Variants in PLG observed in about 807,000 individuals in gnomAD.
PLG encodes the protein plasmin.
Under a neutral mutation model 104.4 loss-of-function variants are expected in PLG, and 41 were observed. That is an observed-to-expected ratio of 0.39 (90% CI 0.31 to 0.51). The LOEUF (loss-of-function observed/expected upper bound fraction) is 0.51, where lower values mean the gene tolerates loss of function less well. PLG is among the 20% of genes least tolerant of loss of function. PLG has a pLI of 0.76. For missense variants in PLG, 891 were observed against 1,003.6 expected (o/e 0.89, Z 1.52); for synonymous variants, 337 against 357.1 (o/e 0.94, Z 0.63).
Position 160,731,750 on chromosome 6 carries a change from A to C in PLG, c.1444A>C (p.Met482Leu). The C allele has an allele frequency of 6.2e-7, 1 of 1,613,632 alleles. No homozygotes were observed. The highest frequency in any genetic ancestry group is 8.5e-7 in the Non-Finnish European group (1 of 1,179,794). ...DVETPSEEDC[M>L]FGNGKGYRGK... ...TCCATTTTTTCCCTGTACAGACTGT[A>C]TGTTTGGGAATGGGAAAGGATACCG... Residue 482 changes from methionine (M) to leucine (L), a missense_variant, in exon 12 of 19, where the codon ATG (methionine) becomes CTG (leucine). Coordinates refer to ENST00000308192, the MANE Select transcript of PLG (RefSeq NM_000301.5). This position sits in a 1 kb window ranked among gnomAD's most constrained non-coding sequence, Gnocchi z 5.1.
At chr6:160,748,709 T>C (rs2115187436) in intron 17 of PLG, among the ~76,000 whole-genome samples, 1 of 152,316 alleles carries the variant, frequency 6.6e-6, no homozygotes, top group East Asian at 1.9e-4. Flanking sequence ...AGAGAAATCA[T>C]TAGTGAACTG....
At position 160,741,181 on chromosome 6, in the gene PLG, GCT is replaced by G; in HGVS notation, c.2019-127_2019-126del. On this transcript the variant is annotated intron_variant, in intron 16 of 18. Coordinates refer to ENST00000308192, the MANE Select transcript of PLG (RefSeq NM_000301.5). The surrounding 1 kb of genome is among the most constrained non-coding windows in gnomAD (Gnocchi z 4.7). ...AGGGTGAAACTCTGTGTTCTACGTT[GCT>G]CTGTGTCAGTGAAGCAAGGCAGTGC... 1.4e-6 allele frequency: 1 copy of G among 717,992 alleles called. No homozygotes were observed. Among genetic ancestry groups the G allele is most frequent in the South Asian group, 1.5e-5 (1 of 68,848 alleles). The allele number at this position is 717,992 out of a possible 1,614,324, so 44.5% of individuals were successfully genotyped here. A position where few individuals can be genotyped will look rare whatever the true frequency, so the allele number is the denominator to read the frequency against.
At chr6:160,709,359 CT>C (rs1407368534) in intron 3 of PLG, among the ~76,000 whole-genome samples, 1 of 152,180 alleles carries the variant, frequency 6.6e-6, no homozygotes, top group East Asian at 1.9e-4. Flanking sequence ...CCTATCACCA[CT>C]GGTTGGGGCT....
chr6:160,712,317 C>G (rs1582934103), intron 4 of PLG: 1 of 157,444 alleles, frequency 6.4e-6, no homozygotes, highest in Non-Finnish European at 1.4e-5. Context: ...TGTCTCTATA[C>G]AGCAACTCAT....
At chr6:160,709,942 G>A (rs902701154) in intron 3 of PLG, among the ~76,000 whole-genome samples, 1 of 152,216 alleles carries the variant, frequency 6.6e-6, no homozygotes, top group East Asian at 1.9e-4. Flanking sequence ...AAACACAAGT[G>A]TACTTGACAC....
chr6:160,709,680 C>T (rs1458202006), intron 3 of PLG, among the ~76,000 whole-genome samples: 1 of 152,204 alleles, frequency 6.6e-6, no homozygotes, highest in African/African-American at 2.4e-5. Context: ...TCCTTGACCC[C>T]TAGACCTCCC....
At chr6:160,711,598 T>C (rs2115156642) in intron 4 of PLG, 1 of 1,610,204 alleles carries the variant, frequency 6.2e-7, no homozygotes. Context: ...AAGAATCTTT[T>C]TGATGTCGAT....
At chr6:160,714,443 A>G (rs890463897) in intron 5 of PLG, among the ~76,000 whole-genome samples, 4 of 151,352 alleles carry the variant, frequency 2.6e-5, no homozygotes, top group Non-Finnish European at 4.4e-5. Context: ...CCTAATGGAG[A>G]ACGTAGACTC....
intron 8 of PLG, 98 bp from the exon 9 acceptor site, chr6:160,718,595 C>A: frequency 7.0e-7 from 1 of 1,421,446 alleles, no homozygotes; most frequent in Non-Finnish European, 9.9e-7. Flanking sequence ...AGGAAATGAA[C>A]TTTAGCACGT....
rs1233776985 is a variant in PLG, at chr6:160,735,834, A to G, written c.1682-1053A>G. On this transcript the variant is annotated intron_variant, in intron 13 of 18. Transcript: ENST00000308192. The surrounding 1 kb of genome is among the most constrained non-coding windows in gnomAD (Gnocchi z 5.4). ...TGCATGTCTACTGTATGTAAGGCAT[A>G]CTAGCAGAAATTGAGCTCAGCACTA... 6.6e-6 allele frequency among the ~76,000 whole-genome samples: 1 copy of G among 152,238 alleles called. No homozygotes were observed. Among genetic ancestry groups the G allele is most frequent in the Non-Finnish European group, 1.5e-5 (1 of 68,042 alleles).
intron 4 of PLG, chr6:160,712,054 A>G (rs1230092737): frequency 2.5e-6 from 1 of 397,976 alleles, no homozygotes; most frequent in Non-Finnish European, 3.9e-6. Flanking sequence ...TGCCTTTGCT[A>G]TATCCCTATG....
At position 160,753,156 on chromosome 6, in the gene PLG, A is replaced by G; in HGVS notation, c.*95A>G. The G allele has an allele frequency of 1.3e-6, 1 of 793,896 alleles. No homozygotes were observed. Among genetic ancestry groups the G allele is most frequent in the East Asian group, 2.7e-5 (1 of 37,018 alleles). The allele number at this position is 793,896 out of a possible 1,614,324, so 49.2% of individuals were successfully genotyped here. On this transcript the variant is annotated 3_prime_UTR_variant, in exon 19 of 19. Transcript: ENST00000308192. The surrounding 1 kb of genome is among the most constrained non-coding windows in gnomAD (Gnocchi z 5.4). Reference sequence around the variant, plus strand: ...GGAAATAACTGGCAGTAATCAAACGAAGACACTGTCCCCAGCTACCAGCTA... The same window carrying G: ...GGAAATAACTGGCAGTAATCAAACGGAGACACTGTCCCCAGCTACCAGCTA...
intron 17 of PLG, among the ~76,000 whole-genome samples, chr6:160,747,124 C>A (rs773211759): frequency 4.5e-4 from 68 of 152,298 alleles, no homozygotes; most frequent in Non-Finnish European, 8.1e-4. Context: ...TTAGACTAGT[C>A]TTCTTCCCAA....
chr6:160,709,028 T>C (rs901895955), intron 3 of PLG, among the ~76,000 whole-genome samples: 7 of 152,126 alleles, frequency 4.6e-5, no homozygotes, highest in Non-Finnish European at 7.4e-5. Flanking sequence ...CATTTAAATA[T>C]GTCATTTGTA....
rs561774869 is a variant in PLG, at chr6:160,740,058, G to A, written c.2018+850G>A. 1.3e-5 allele frequency among the ~76,000 whole-genome samples: 2 copies of A among 152,336 alleles called. No individual in the cohort carries two copies. The highest frequency in any genetic ancestry group is 4.1e-4 in the South Asian group (2 of 4,834). ...TGACAAGGCACGCAGGGCGCTCGCT[G>A]TGCTGGTGGTTCTGGAAGACAGGGT... On this transcript the variant is annotated intron_variant, in intron 16 of 18. Coordinates refer to ENST00000308192, the MANE Select transcript of PLG (RefSeq NM_000301.5). The surrounding 1 kb of genome is among the most constrained non-coding windows in gnomAD (Gnocchi z 5.2).
At chr6:160,720,422 T>C (rs1357172683) in intron 9 of PLG, among the ~76,000 whole-genome samples, 5 of 114,862 alleles carry the variant, frequency 4.4e-5, no homozygotes, top group Middle Eastern at 8.2e-3. Context: ...TTTTTTTTTT[T>C]TTTTTTTTTT....
intron 6 of PLG, among the ~76,000 whole-genome samples, chr6:160,715,923 C>A (rs577286950): frequency 6.6e-6 from 1 of 152,334 alleles, no homozygotes; most frequent in African/African-American, 2.4e-5. Flanking sequence ...AATGAATAAA[C>A]GCAGAGGGCC....
rs578236399 is a variant in PLG at position 160,718,260 on chromosome 6, A to G, written c.788-34A>G. The G allele has an allele frequency of 2.5e-6, 4 of 1,580,460 alleles. No individual in the cohort carries two copies. In the South Asian group the frequency reaches 4.4e-5, roughly 17 times the overall value. On this transcript the variant is annotated intron_variant, in intron 7 of 18. Coordinates refer to ENST00000308192, the MANE Select transcript of PLG (RefSeq NM_000301.5). ...AGCGAGACTCCGTCTCAAAAAATAT[A>G]TATATTCATTGTAACTTATTTTGCC...
intron 17 of PLG, among the ~76,000 whole-genome samples, chr6:160,743,208 C>T (rs1398797095): frequency 6.6e-6 from 1 of 151,992 alleles, no homozygotes; most frequent in Non-Finnish European, 1.5e-5. Flanking sequence ...ATATCATTGG[C>T]AGTTTGATAG....
Sources: allele counts gnomAD v4.1 joint callset (sites outside exome capture counted in the v4.1 genomes callset), GRCh38; gene constraint gnomAD v4.1.1; non-coding constraint Gnocchi (gnomAD v3.1); transcripts MANE v1.5; gene names NCBI Gene and HGNC (gene_info 2026-07-23, HGNC 2026-07-21).